PHF20L1: variants seen among roughly 807,000 people sequenced by gnomAD.
PHF20L1 encodes PHD finger protein 20 like 1.
A neutral mutation model predicts 125.5 loss-of-function variants in PHF20L1; 44 were observed. The ratio of observed to expected loss-of-function variants is 0.35; its 90% CI spans 0.28 to 0.45. PHF20L1 has a LOEUF of 0.45. Among genes scored for constraint, PHF20L1 ranks in the 20% least tolerant of loss-of-function variants. The pLI is 1.00. For synonymous variants in PHF20L1, 380 were observed against 403.1 expected, an observed-to-expected ratio of 0.94 and a Z score of 0.69; for missense variants, 1,012 against 1,217.2, an observed-to-expected ratio of 0.83 and a Z score of 2.51.
intron 16 of PHF20L1, 57 bp downstream of exon 16, chr8:132,836,778 A>G (rs1163503398): frequency 1.6e-6 from 2 of 1,244,840 alleles, no homozygotes; most frequent in South Asian, 1.3e-5. Context: ...TGCTCAGCAA[A>G]TGCATCACGG....
In PHF20L1 at chr8:132,848,161, T is replaced by A. The variant is rs1359136067; in HGVS notation, c.*2238T>A. ...ATTTGTTCTTGTAGTTTCTAAAAAT[T>A]AGATCAATTTATTTGTTAGCCAGCA... On this transcript the variant is annotated 3_prime_UTR_variant, in exon 21 of 21. Transcript: ENST00000395386. The A allele has an allele frequency of 6.6e-6, 1 of 152,108 alleles. No homozygotes were observed. Among genetic ancestry groups the A allele is most frequent in the Non-Finnish European group, 1.5e-5 (1 of 67,970 alleles). 9.4% of individuals were successfully genotyped at this position (152,108 alleles called of 1,614,324 possible).
chr8:132,787,264 G>A (rs942796543), intron 2 of PHF20L1, among the ~76,000 whole-genome samples: 1 of 151,944 alleles, frequency 6.6e-6, no homozygotes, highest in Non-Finnish European at 1.5e-5. Context: ...AGGTGCTGGG[G>A]GGGTGGGAGG....
At chr8:132,842,987 C>T (rs373138209) in intron 19 of PHF20L1, 112 bp downstream of exon 19, 1 of 1,451,354 alleles carries the variant, frequency 6.9e-7, no homozygotes, top group African/African-American at 1.4e-5. Flanking sequence ...TCCAAGTTCC[C>T]CAGTACCTTG....
At chr8:132,840,878 G>T (rs1367361018) in intron 18 of PHF20L1, among the ~76,000 whole-genome samples, 1 of 152,012 alleles carries the variant, frequency 6.6e-6, no homozygotes, top group Non-Finnish European at 1.5e-5. Context: ...TAGGGCTTGT[G>T]TCCTATTCAT....
chr8:132,792,340 A>G (rs552071051), intron 2 of PHF20L1, among the ~76,000 whole-genome samples: 1 of 152,184 alleles, frequency 6.6e-6, no homozygotes, highest in African/African-American at 2.4e-5. Flanking sequence ...CCAGGGCAAC[A>G]AAAACAAAAC....
chr8:132,814,811 C>A lies in PHF20L1; in HGVS notation c.1105C>A (p.Pro369Thr). Residue 369 changes from proline to threonine, a missense_variant, in exon 10 of 21, where the codon CCA becomes ACA. Pro to Thr is a conservative substitution (Grantham distance 38, BLOSUM62 -1). Transcript: ENST00000395386. ...SSGCIKPPKS[P>T]LSPELIQVED... Reference sequence around the variant, plus strand: ...TGGGTGTATAAAACCCCCTAAATCACCACTTTCCCCAGAATTAATACAAGT... The same window carrying A: ...TGGGTGTATAAAACCCCCTAAATCAACACTTTCCCCAGAATTAATACAAGT... The A allele has an allele frequency of 6.2e-7, 1 of 1,611,660 alleles. No homozygotes were observed. Among genetic ancestry groups the A allele is most frequent in the Non-Finnish European group, 8.5e-7 (1 of 1,178,064 alleles).
At chr8:132,805,172 C>T (rs117228433) in intron 8 of PHF20L1, among the ~76,000 whole-genome samples, 1,898 of 152,018 alleles carry the variant, frequency 0.012, 22 homozygotes, top group Middle Eastern at 0.02. Context: ...GTCTGACTTA[C>T]ATTTACTTCC....
At chr8:132,781,145 A>G (rs1830380733) in intron 2 of PHF20L1, among the ~76,000 whole-genome samples, 1 of 152,132 alleles carries the variant, frequency 6.6e-6, no homozygotes, top group Non-Finnish European at 1.5e-5. Context: ...CATATATAAA[A>G]AAGGAAAATA....
At position 132,791,167 on chromosome 8, in the gene PHF20L1, C is replaced by T. The variant is rs143497954; in HGVS notation, c.84-3243C>T. ...AATAAGTAAAAAACACAGAGCCTGA[C>T]GTACCTGCAATAGTAAATATTCTGA... is the stretch of plus-strand genomic sequence containing the variant. On this transcript the variant is annotated intron_variant, in intron 2 of 20. Transcript: ENST00000395386. Among the ~76,000 whole-genome samples, 25 of 151,498 alleles carry T rather than the reference C, an allele frequency of 1.7e-4. No homozygotes were observed. In the East Asian group the frequency reaches 4.3e-3, roughly 26 times the overall value.
intron 8 of PHF20L1, among the ~76,000 whole-genome samples, chr8:132,805,183 T>G (rs1337670554): frequency 6.6e-6 from 1 of 151,988 alleles, no homozygotes; most frequent in Non-Finnish European, 1.5e-5. Context: ...ATTTACTTCC[T>G]GAATCTGTTA....
At chr8:132,815,636 A>C (rs1341438718) in intron 10 of PHF20L1, 1 of 151,926 alleles carries the variant, frequency 6.6e-6, no homozygotes, top group Non-Finnish European at 1.5e-5. Flanking sequence ...CAGTTGAGTG[A>C]ATATGACATG....
chr8:132,793,674 C>T (rs965615931), intron 2 of PHF20L1, among the ~76,000 whole-genome samples: 4 of 152,134 alleles, frequency 2.6e-5, no homozygotes, highest in Non-Finnish European at 5.9e-5. Context: ...TAACTAATTC[C>T]TATTTTGGAA....
rs577683312 is a variant in PHF20L1 at position 132,821,379 on chromosome 8, C to T, written c.1580-2625C>T. ...AACAGAAGTAGGTCATGGGGTTGGTCTAAGTATGGCAAAAAAGCATCTTGT... is the reference window on the plus strand; with the variant it reads ...AACAGAAGTAGGTCATGGGGTTGGTTTAAGTATGGCAAAAAAGCATCTTGT... On this transcript the variant is annotated intron_variant, in intron 12 of 20. Transcript: ENST00000395386. Among the ~76,000 whole-genome samples the T allele has an allele frequency of 4.6e-5, 7 of 151,990 alleles. No individual in the cohort carries two copies. The South Asian group carries it at 1.0e-3, about 23-fold the overall frequency.
chr8:132,842,632 A>G lies in PHF20L1; in HGVS notation c.2505A>G (p.Glu835=). The part of the protein sequence containing the change: ...KIAQDTVNRE[E]KKYVQNHKEP... ...CTCAAGACACAGTTAATCGAGAAGAAAAGAAATATGTACAGAACCATAAAG... is the reference window on the plus strand; with the variant it reads ...CTCAAGACACAGTTAATCGAGAAGAGAAGAAATATGTACAGAACCATAAAG... Residue 835 remains glutamate (E), a synonymous_variant, in exon 19 of 21, where the codon GAA becomes GAG. Coordinates refer to ENST00000395386, the MANE Select transcript of PHF20L1 (RefSeq NM_016018.5). The G allele has an allele frequency of 6.2e-7, 1 of 1,613,312 alleles. No individual in the cohort carries two copies. The highest frequency in any genetic ancestry group is 8.5e-7 in the Non-Finnish European group (1 of 1,179,616).
chr8:132,834,801 G>T (rs1333517283), intron 15 of PHF20L1, among the ~76,000 whole-genome samples: 1 of 151,648 alleles, frequency 6.6e-6, no homozygotes, highest in Non-Finnish European at 1.5e-5. Context: ...GTTCATACTA[G>T]ATTTTCCATA....
chr8:132,844,108 A>C, intron 19 of PHF20L1, 48 bp from the exon 20 acceptor site: 2 of 1,606,350 alleles, frequency 1.2e-6, no homozygotes, highest in Non-Finnish European at 1.7e-6. Flanking sequence ...CAATGACTGC[A>C]TTTCATCCCG....
chr8:132,824,868 T>G (rs1042732813), intron 13 of PHF20L1: 1 of 347,646 alleles, frequency 2.9e-6, no homozygotes, highest in Non-Finnish European at 4.7e-6. Flanking sequence ...CATCAGGTTT[T>G]TTTTTTTTAA....
Position 132,777,877 on chromosome 8 carries a change from G to A in PHF20L1, c.49G>A (p.Ala17Thr). 1 of 1,613,088 alleles carries A rather than the reference G, an allele frequency of 6.2e-7. No individual in the cohort carries two copies. The highest frequency in any genetic ancestry group is 8.5e-7 in the Non-Finnish European group (1 of 1,179,168). Reference sequence around the variant, plus strand: ...CCCTGGAATCACTTTTGAGATTGGTGCTCGTTTGGAGGCACTGGACTACTT... The same window carrying A: ...CCCTGGAATCACTTTTGAGATTGGTACTCGTTTGGAGGCACTGGACTACTT... ...NRPGITFEIG[A>T]RLEALDYLQK... Residue 17 changes from alanine to threonine, a missense_variant, in exon 2 of 21, where the codon GCT becomes ACT. By Grantham distance (58) the Ala-to-Thr change is moderately conservative. Around this residue, in one of 7 missense-constraint regions of PHF20L1, gnomAD observed 94 missense variants for 179.5 expected, o/e 0.52. Transcript: ENST00000395386.
intron 18 of PHF20L1, among the ~76,000 whole-genome samples, chr8:132,841,014 A>AG (rs1357696813): frequency 2.0e-5 from 3 of 152,094 alleles, no homozygotes; most frequent in African/African-American, 7.2e-5. Flanking sequence ...GTAAGTGCTA[A>AG]GACTTAAGGG....
Sources: gnomAD v4.1 joint callset for allele counts (sites outside exome capture counted in the v4.1 genomes callset) on GRCh38, gnomAD v4.1.1 for gene constraint, gnomAD v4.1.1 regional missense constraint, MANE v1.5 for transcripts, NCBI Gene and HGNC (gene_info 2026-07-23, HGNC 2026-07-21) for gene names.